ZNF704: variants seen among roughly 807,000 people sequenced by gnomAD.
ZNF704 encodes the protein zinc finger protein 704.
A neutral mutation model predicts 44.7 loss-of-function variants in ZNF704; 10 were observed. That is an observed-to-expected ratio of 0.22 (90% CI 0.14 to 0.38). The LOEUF is 0.38. ZNF704 is among the 10% of genes least tolerant of loss of function. The pLI, the probability that ZNF704 is intolerant of heterozygous loss-of-function variation, is 1.00. For missense variants in ZNF704, 390 were observed against 545.5 expected, an observed-to-expected ratio of 0.71 and a Z score of 2.84; for synonymous variants, 211 against 207.6, an observed-to-expected ratio of 1.02 and a Z score of -0.14.
intron 1 of ZNF704, among the ~76,000 whole-genome samples, chr8:80,839,839 T>TGA (rs138328208): frequency 0.12 from 17,870 of 150,542 alleles, 1,215 homozygotes; most frequent in South Asian, 0.32. Context: ...CCAGCCATAA[T>TGA]GAGAGAGAGA....
Position 80,630,297 on chromosome 8 carries a change from T to C in ZNF704, c.*11069A>G, listed in dbSNP as rs756476609. On this transcript the variant is annotated 3_prime_UTR_variant, in exon 9 of 9. Transcript: ENST00000327835. ...AAAGATCTCTAAACATTGGACAGCA[T>C]TGCCACCTAGCTTTTGAGTTAGCAC... The C allele has an allele frequency of 3.9e-5, 6 of 152,366 alleles. No individual in the cohort carries two copies. The highest frequency in any genetic ancestry group is 7.3e-5 in the Non-Finnish European group (5 of 68,040). The allele number at this position is 152,366 out of a possible 1,614,324, so 9.4% of individuals were successfully genotyped here.
At chr8:80,748,866 C>T (rs565648972) in intron 2 of ZNF704, among the ~76,000 whole-genome samples, 10 of 152,258 alleles carry the variant, frequency 6.6e-5, no homozygotes, top group Non-Finnish European at 1.3e-4. Context: ...CATGGTCAGG[C>T]CCTTTTTTCT....
chr8:80,835,867 C>G (rs1376931754), intron 1 of ZNF704, among the ~76,000 whole-genome samples: 1 of 152,048 alleles, frequency 6.6e-6, no homozygotes, highest in African/African-American at 2.4e-5. Flanking sequence ...CCATTCACAC[C>G]CAATCCATGT....
intron 2 of ZNF704, among the ~76,000 whole-genome samples, chr8:80,702,873 T>C (rs79577894): frequency 0.015 from 2,259 of 152,072 alleles, 68 homozygotes; most frequent in African/African-American, 0.051. Context: ...GATGGCAGCA[T>C]TGAGGAGAGA....
At chr8:80,682,775 T>C (rs949214726) in intron 4 of ZNF704, among the ~76,000 whole-genome samples, 9 of 152,246 alleles carry the variant, frequency 5.9e-5, no homozygotes, top group African/African-American at 2.2e-4. Context: ...CTAACATTTA[T>C]TGCTCTTTAC....
At chr8:80,675,196 C>T (rs961915442) in intron 4 of ZNF704, among the ~76,000 whole-genome samples, 2 of 152,270 alleles carry the variant, frequency 1.3e-5, no homozygotes, top group South Asian at 2.1e-4. Flanking sequence ...GGAGAAGGAG[C>T]CAGCCAAGCT....
intron 2 of ZNF704, among the ~76,000 whole-genome samples, chr8:80,776,111 G>A (rs947878173): frequency 6.6e-6 from 1 of 152,056 alleles, no homozygotes; most frequent in Non-Finnish European, 1.5e-5. Context: ...ATCCATTATT[G>A]CTAAATATTT....
At chr8:80,704,422 T>G (rs747169608) in intron 2 of ZNF704, among the ~76,000 whole-genome samples, 7 of 152,250 alleles carry the variant, frequency 4.6e-5, no homozygotes, top group Non-Finnish European at 8.8e-5. Flanking sequence ...TGTCTCCTGC[T>G]GTACAACTCC....
intron 2 of ZNF704, among the ~76,000 whole-genome samples, chr8:80,740,259 C>G (rs1487709812): frequency 2.0e-5 from 3 of 152,192 alleles, no homozygotes; most frequent in African/African-American, 7.2e-5. Flanking sequence ...CATTATACAC[C>G]TGAACATAGG....
At chr8:80,873,842 G>C (rs2130086538) in intron 1 of ZNF704, among the ~76,000 whole-genome samples, 1 of 146,836 alleles carries the variant, frequency 6.8e-6, no homozygotes, top group South Asian at 2.1e-4. Flanking sequence ...AGGGGGGCCG[G>C]TCCCGGCGCT....
intron 2 of ZNF704, among the ~76,000 whole-genome samples, chr8:80,730,746 G>C (rs1806567663): frequency 6.6e-6 from 1 of 151,826 alleles, no homozygotes; most frequent in African/African-American, 2.4e-5. Flanking sequence ...CTTTGCCCTG[G>C]TTTAGTAAAG....
Position 80,665,060 on chromosome 8 carries a change from T to C in ZNF704, c.682A>G (p.Ser228Gly). The change falls in exon 6 of 9, where the codon AGT becomes GGT. Residue 228 changes from serine (S) to glycine (G), a missense_variant. Physicochemically the swap from Ser to Gly is moderately conservative, Grantham distance 56 (BLOSUM62 0). Coordinates refer to ENST00000327835, the MANE Select transcript of ZNF704 (RefSeq NM_001033723.3). Reference protein sequence around the residue: ...HLGRVGDSDYSDGEEDFYYTE... With the variant: ...HLGRVGDSDYGDGEEDFYYTE... ...TAGTAAAAGTCCTCTTCTCCATCAC[T>C]GTAGTCAGAGTCTCCAACGCGCCTA... The C allele has an allele frequency of 6.2e-7, 1 of 1,614,230 alleles. No homozygotes were observed. The highest frequency in any genetic ancestry group is 8.5e-7 in the Non-Finnish European group (1 of 1,180,028).
chr8:80,752,603 G>A lies in ZNF704; in HGVS notation c.222-59496C>T, dbSNP rs1007199434. Among the ~76,000 whole-genome samples, 122 of 151,888 alleles carry A rather than the reference G, an allele frequency of 8.0e-4. 4 individuals are homozygous for A. Among genetic ancestry groups the A allele is most frequent in the Admixed American group, 7.8e-3 (119 of 15,262 alleles). On this transcript the variant is annotated intron_variant, in intron 2 of 8. Coordinates refer to ENST00000327835, the MANE Select transcript of ZNF704 (RefSeq NM_001033723.3). Reference sequence around the variant, plus strand: ...GTTGCCCAGGCTGGAGTGCAATGGTGTGATTTTGGCTCACTGCAACTTCCA... The same window carrying A: ...GTTGCCCAGGCTGGAGTGCAATGGTATGATTTTGGCTCACTGCAACTTCCA...
At chr8:80,794,758 T>C (rs1807769390) in intron 2 of ZNF704, among the ~76,000 whole-genome samples, 1 of 152,304 alleles carries the variant, frequency 6.6e-6, no homozygotes, top group African/African-American at 2.4e-5. Flanking sequence ...GATGTGAAAT[T>C]AGCCATTCTG....
chr8:80,639,933 G>C lies in ZNF704; in HGVS notation c.*1433C>G, dbSNP rs952532667. ...GAAATAACTCTTTAGCAGGGCAATT[G>C]AGAGTCGGGTAGATAGAGAATGAGC... On this transcript the variant is annotated 3_prime_UTR_variant, in exon 9 of 9. Transcript: ENST00000327835. The C allele has an allele frequency of 4.6e-5, 7 of 152,570 alleles. No individual in the cohort carries two copies. The highest frequency in any genetic ancestry group is 1.7e-4 in the African/African-American group (7 of 41,430). 9.5% of individuals were successfully genotyped at this position (152,570 alleles called of 1,614,324 possible). A position where few individuals can be genotyped will look rare whatever the true frequency, so the allele number is the denominator to read the frequency against.
chr8:80,811,412 T>C (rs1808079877), intron 2 of ZNF704, among the ~76,000 whole-genome samples: 1 of 152,242 alleles, frequency 6.6e-6, no homozygotes, highest in Non-Finnish European at 1.5e-5. Flanking sequence ...TACCTTTTTT[T>C]TTGGTGACTA....
At position 80,774,985 on chromosome 8, in the gene ZNF704, T is replaced by C. The variant is rs114000850; in HGVS notation, c.221+46389A>G. On this transcript the variant is annotated intron_variant, in intron 2 of 8. Coordinates refer to ENST00000327835, the MANE Select transcript of ZNF704 (RefSeq NM_001033723.3). ...GGTTTCTAGCCAGTCTGTTTTCTTCTCTCTACCTTTCATCTTTATATTTTT... is the reference window on the plus strand; with the variant it reads ...GGTTTCTAGCCAGTCTGTTTTCTTCCCTCTACCTTTCATCTTTATATTTTT... Among the ~76,000 whole-genome samples, 820 of 152,286 alleles carry C rather than the reference T, an allele frequency of 5.4e-3. 9 individuals carry two copies. Among genetic ancestry groups the C allele is most frequent in the African/African-American group, 0.019 (791 of 41,566 alleles).
At chr8:80,658,468 A>G (rs1818050466) in intron 7 of ZNF704, among the ~76,000 whole-genome samples, 1 of 152,152 alleles carries the variant, frequency 6.6e-6, no homozygotes, top group East Asian at 1.9e-4. Flanking sequence ...AGCAAAACTA[A>G]TACCAACACG....
intron 6 of ZNF704, among the ~76,000 whole-genome samples, chr8:80,663,031 A>C (rs2131607979): frequency 6.6e-6 from 1 of 152,314 alleles, no homozygotes. Context: ...TTATGTGAAA[A>C]ATATTTTCTT....
Sources: gnomAD v4.1 joint callset for allele counts (sites outside exome capture counted in the v4.1 genomes callset) on GRCh38, gnomAD v4.1.1 for gene constraint, MANE v1.5 for transcripts, NCBI Gene and HGNC (gene_info 2026-07-23, HGNC 2026-07-21) for gene names.